CCDC3: variants seen among roughly 807,000 people sequenced by gnomAD.
The protein encoded by CCDC3 is coiled-coil domain containing 3, also known as coiled-coil domain-containing protein 3.
A neutral mutation model predicts 21.4 loss-of-function variants in CCDC3; 24 were observed. The ratio of observed to expected loss-of-function variants is 1.12; its 90% confidence interval spans 0.81 to 1.58. The LOEUF is 1.58. Ranked by LOEUF, CCDC3 falls within the 40% of genes most tolerant of loss-of-function variation. The pLI is 0.00. For synonymous variants in CCDC3, 186 were observed against 166.0 expected (o/e 1.12, Z -0.93); for missense variants, 425 against 360.9 (o/e 1.18, Z -1.44).
At chr10:12,956,073 C>G (rs1391246354) in intron 2 of CCDC3, among the ~76,000 whole-genome samples, 5 of 152,020 alleles carry the variant, frequency 3.3e-5, no homozygotes, top group Non-Finnish European at 7.4e-5. Flanking sequence ...CTCCTGGGCT[C>G]AGGTGATCCT....
chr10:12,932,947 T>A (rs7913019), intron 2 of CCDC3, among the ~76,000 whole-genome samples: 14,823 of 152,284 alleles, frequency 0.097, 768 homozygotes, highest in African/African-American at 0.13. Flanking sequence ...TAGCTTGTCA[T>A]GATGAATTGC....
Position 12,898,346 on chromosome 10 carries a change from T to G in CCDC3, c.*70A>C. On this transcript the variant is annotated 3_prime_UTR_variant, in exon 3 of 3. Coordinates refer to ENST00000378825, the MANE Select transcript of CCDC3 (RefSeq NM_031455.4). ...TCTTACAACCCTTGAAATAGCTGCA[T>G]GTACGAAACCTCACTCATTCTCAAT... 7.0e-7 allele frequency: 1 copy of G among 1,436,312 alleles called. No homozygotes were observed. The highest frequency in any genetic ancestry group is 9.4e-7 in the Non-Finnish European group (1 of 1,065,046). The allele number at this position is 1,436,312 out of a possible 1,614,324, so 89.0% of individuals were successfully genotyped here.
chr10:12,901,257 T>TA (rs2131193776), intron 2 of CCDC3, among the ~76,000 whole-genome samples: 1 of 152,176 alleles, frequency 6.6e-6, no homozygotes, highest in African/African-American at 2.4e-5. Context: ...CTATACCTCT[T>TA]ACATTATTTT....
chr10:13,045,136 T>C (rs923450268), intron 5 of CCDC3, among the ~76,000 whole-genome samples: 2 of 152,210 alleles, frequency 1.3e-5, no homozygotes, highest in African/African-American at 4.8e-5. Context: ...TTTCCCTACA[T>C]TATATTATGT....
At chr10:13,047,151 C>A (rs974000087) in intron 5 of CCDC3, among the ~76,000 whole-genome samples, 16 of 151,994 alleles carry the variant, frequency 1.1e-4, no homozygotes, top group African/African-American at 3.6e-4. Context: ...CTCACCAGAA[C>A]AATTATAGGA....
intron 2 of CCDC3, among the ~76,000 whole-genome samples, chr10:12,906,310 G>A (rs886938682): frequency 5.9e-5 from 9 of 152,218 alleles, no homozygotes; most frequent in Non-Finnish European, 1.3e-4. Context: ...CTGCTTCCCT[G>A]GTGCCAGGAG....
At chr10:12,988,659 C>T (rs1835635368) in intron 2 of CCDC3, among the ~76,000 whole-genome samples, 1 of 152,040 alleles carries the variant, frequency 6.6e-6, no homozygotes, top group Non-Finnish European at 1.5e-5. Context: ...TCTTTTAATT[C>T]TTGGCCAAAC....
At chr10:12,942,568 TTTTC>T (rs1246087176) in intron 2 of CCDC3, among the ~76,000 whole-genome samples, 1 of 152,182 alleles carries the variant, frequency 6.6e-6, no homozygotes, top group East Asian at 1.9e-4. Flanking sequence ...CTATCTTCCC[TTTTC>T]TTTGTCAACC....
At chr10:13,078,771 A>G (rs766925358) in intron 3 of CCDC3, among the ~76,000 whole-genome samples, 2 of 151,966 alleles carry the variant, frequency 1.3e-5, no homozygotes, top group Non-Finnish European at 1.5e-5. Flanking sequence ...CAGAAAACCA[A>G]ACACCACATG....
intron 2 of CCDC3, among the ~76,000 whole-genome samples, chr10:12,966,168 AC>A (rs1267523055): frequency 6.6e-6 from 1 of 152,094 alleles, no homozygotes; most frequent in African/African-American, 2.4e-5. Flanking sequence ...TCGTTTCTCA[AC>A]CTTACTCAGT....
intron 3 of CCDC3, among the ~76,000 whole-genome samples, chr10:13,082,828 T>C (rs1837059339): frequency 1.3e-5 from 2 of 152,194 alleles, no homozygotes; most frequent in Non-Finnish European, 2.9e-5. Flanking sequence ...TAGGTTATAA[T>C]TGTAGAACAG....
intron 2 of CCDC3, among the ~76,000 whole-genome samples, chr10:12,916,527 G>A (rs1233667083): frequency 1.3e-5 from 2 of 150,914 alleles, no homozygotes; most frequent in African/African-American, 4.9e-5. Flanking sequence ...ACCTGAGGCA[G>A]GAGAATCGCT....
chr10:12,983,676 A>G (rs916583760), intron 2 of CCDC3, among the ~76,000 whole-genome samples: 4 of 152,182 alleles, frequency 2.6e-5, no homozygotes, highest in African/African-American at 7.2e-5. Context: ...GGCAAAAAAA[A>G]AAAAAAATGG....
chr10:12,925,381 C>T (rs922081405), intron 2 of CCDC3, among the ~76,000 whole-genome samples: 2 of 137,118 alleles, frequency 1.5e-5, no homozygotes, highest in African/African-American at 6.0e-5. Context: ...TCTTTAAAGT[C>T]CTTTGTGGGC....
At chr10:12,959,324 T>C (rs1400563466) in intron 2 of CCDC3, among the ~76,000 whole-genome samples, 1 of 152,070 alleles carries the variant, frequency 6.6e-6, no homozygotes, top group African/African-American at 2.4e-5. Context: ...CCCGCCAGCA[T>C]GCCCAGCTAA....
At chr10:12,972,852 A>G (rs565649564) in intron 2 of CCDC3, among the ~76,000 whole-genome samples, 1 of 152,318 alleles carries the variant, frequency 6.6e-6, no homozygotes, top group African/African-American at 2.4e-5. Flanking sequence ...AAGGAATGGC[A>G]TAAACCAGTT....
At chr10:12,930,845 A>G (rs1589010716) in intron 2 of CCDC3, among the ~76,000 whole-genome samples, 2 of 152,210 alleles carry the variant, frequency 1.3e-5, no homozygotes, top group African/African-American at 2.4e-5. Context: ...CCTGGAGCAT[A>G]GAGCACAGGA....
At chr10:12,977,511 C>T (rs1049886486) in intron 2 of CCDC3, among the ~76,000 whole-genome samples, 4 of 152,122 alleles carry the variant, frequency 2.6e-5, no homozygotes, top group African/African-American at 9.7e-5. Flanking sequence ...ACAACTGTAG[C>T]ATCTAAAGTC....
At chr10:12,977,226 A>G (rs1316368404) in intron 2 of CCDC3, among the ~76,000 whole-genome samples, 1 of 152,094 alleles carries the variant, frequency 6.6e-6, no homozygotes, top group Non-Finnish European at 1.5e-5. Context: ...TGTGAGCTGA[A>G]GTTGCGCCAC....
Sources: allele counts gnomAD v4.1 joint callset (sites outside exome capture counted in the v4.1 genomes callset), GRCh38; gene constraint gnomAD v4.1.1; transcripts MANE v1.5; gene names NCBI Gene and HGNC (gene_info 2026-07-23, HGNC 2026-07-21).